The following TMPRSS9 variants were observed in gnomAD, a reference collection of about 807,000 sequenced individuals.
TMPRSS9 encodes the protein transmembrane protease serine 9.
In TMPRSS9, 113 loss-of-function variants were observed where a neutral mutation model predicts 111.4. That is an observed-to-expected ratio of 1.01 (90% CI 0.87 to 1.19). The LOEUF is 1.19. Ranked by LOEUF, TMPRSS9 falls within the 50% of genes most tolerant of loss-of-function variation. The pLI is 0.00. For synonymous variants in TMPRSS9, 805 were observed against 659.1 expected (o/e 1.22, Z -3.39); for missense variants, 1,803 against 1,513.1 (o/e 1.19, Z -3.18).
intron 8 of TMPRSS9, among the ~76,000 whole-genome samples, chr19:2,409,648 G>A (rs1292486382): frequency 6.6e-6 from 1 of 152,108 alleles, no homozygotes; most frequent in African/African-American, 2.4e-5. Flanking sequence ...CCTGGAGAGA[G>A]GAGATGAAGG....
At chr19:2,366,311 C>T (rs1281935741) in intron 1 of TMPRSS9, among the ~76,000 whole-genome samples, 1 of 152,082 alleles carries the variant, frequency 6.6e-6, no homozygotes, top group Non-Finnish European at 1.5e-5. Context: ...AGCATCAGTG[C>T]ACTCCAGCCT....
In TMPRSS9 at chr19:2,397,875, G is replaced by T. The variant is rs184614026; in HGVS notation, c.271-920G>T. Among the ~76,000 whole-genome samples the T allele has an allele frequency of 2.9e-5, 4 of 139,724 alleles. No homozygotes were observed. The East Asian group carries it at 8.5e-4, about 30-fold the overall frequency. 91.7% of individuals were successfully genotyped at this position (139,724 alleles called of 152,430 possible). A position where few individuals can be genotyped will look rare whatever the true frequency, so the allele number is the denominator to read the frequency against. On this transcript the variant is annotated intron_variant, in intron 2 of 17. Transcript: ENST00000648592. ...GCAGAAGTTGCAGTGAGCCAAGATC[G>T]TGCCATTGCACTCCAGCCTGGGTGA...
At chr19:2,395,281 G>T (rs1258745725) in intron 1 of TMPRSS9, among the ~76,000 whole-genome samples, 1 of 152,060 alleles carries the variant, frequency 6.6e-6, no homozygotes, top group Non-Finnish European at 1.5e-5. Context: ...CTAGCCAGGT[G>T]TGGTGGTCCA....
chr19:2,417,950 G>T, intron 12 of TMPRSS9, 52 bp from the exon 14 acceptor site: 1 of 1,607,342 alleles, frequency 6.2e-7, no homozygotes. Flanking sequence ...CGGAACTGGA[G>T]CTGCTCTGAT....
chr19:2,369,086 G>A (rs1053967930), intron 1 of TMPRSS9, among the ~76,000 whole-genome samples: 4 of 151,576 alleles, frequency 2.6e-5, no homozygotes, highest in African/African-American at 9.7e-5. Flanking sequence ...AGAGTAACTG[G>A]GATTACAGGC....
At chr19:2,404,395 A>G (rs1970924493) in intron 6 of TMPRSS9, among the ~76,000 whole-genome samples, 1 of 151,820 alleles carries the variant, frequency 6.6e-6, no homozygotes, top group Admixed American at 6.6e-5. Context: ...TTTAGAATAA[A>G]GGCTGGGTGC....
intron 12 of TMPRSS9, among the ~76,000 whole-genome samples, chr19:2,417,463 T>C (rs573063813): frequency 8.8e-6 from 1 of 114,028 alleles, no homozygotes; most frequent in Non-Finnish European, 1.8e-5. Context: ...GAGACTCCCA[T>C]CTCAAAAAAA....
chr19:2,397,072 C>T (rs988941655), intron 2 of TMPRSS9, among the ~76,000 whole-genome samples: 3 of 151,840 alleles, frequency 2.0e-5, no homozygotes, highest in Admixed American at 6.6e-5. Context: ...AGGTGCACGC[C>T]ACCACGTCCA....
At chr19:2,413,865 A>G in exon 10 of TMPRSS9, 1 of 1,613,658 alleles carries the variant, frequency 6.2e-7, no homozygotes, top group South Asian at 1.1e-5. Context: ...CAAAGCCAGC[A>G]TGCCTCTGGC....
chr19:2,411,595 G>A (rs542019005), intron 9 of TMPRSS9, among the ~76,000 whole-genome samples: 30 of 150,774 alleles, frequency 2.0e-4, no homozygotes, highest in Non-Finnish European at 3.1e-4. Context: ...ACACTGTCTC[G>A]CTCTGTCACC....
At chr19:2,405,596 C>G in intron 7 of TMPRSS9, 51 bp downstream of exon 8, 2 of 1,452,896 alleles carry the variant, frequency 1.4e-6, no homozygotes, top group Non-Finnish European at 1.8e-6. Flanking sequence ...ATTTCTCCTG[C>G]CTTCCCTCGT....
exon 11 of TMPRSS9, chr19:2,415,770 G>A (rs758016406): frequency 1.2e-6 from 2 of 1,610,502 alleles, no homozygotes; most frequent in South Asian, 2.2e-5. Flanking sequence ...TGAAGGAAGG[G>A]TCCCGGCACT....
exon 13 of TMPRSS9, chr19:2,418,101 G>A: frequency 6.2e-7 from 1 of 1,612,210 alleles, no homozygotes; most frequent in Non-Finnish European, 8.5e-7. Flanking sequence ...CGCATGATCT[G>A]CGCAGGCTTC....
intron 1 of TMPRSS9, among the ~76,000 whole-genome samples, chr19:2,391,081 A>C (rs1266828019): frequency 1.0e-4 from 15 of 148,900 alleles, no homozygotes; most frequent in Admixed American, 1.3e-4. Context: ...GGCAGGAAGG[A>C]AGGAAGATAG....
At chr19:2,421,702 TG>T in intron 13 of TMPRSS9, 151 bp from the exon 15 acceptor site, 3 of 690,252 alleles carry the variant, frequency 4.3e-6, no homozygotes, top group East Asian at 5.7e-5. Flanking sequence ...CAGCCAGGCA[TG>T]GGGCTGCAGT....
At chr19:2,425,334 C>T in intron 16 of TMPRSS9, 23 bp from the exon 18 acceptor site, 1 of 1,433,442 alleles carries the variant, frequency 7.0e-7, no homozygotes, top group Non-Finnish European at 9.1e-7. Context: ...CCCACCCGCC[C>T]CGTCTCGCTC....
chr19:2,383,990 G>C (rs774427072), intron 1 of TMPRSS9, among the ~76,000 whole-genome samples: 1 of 151,994 alleles, frequency 6.6e-6, no homozygotes, highest in Non-Finnish European at 1.5e-5. Flanking sequence ...AGCTCCATGC[G>C]GTGTTCTGTA....
At chr19:2,383,804 C>T (rs1970417487) in intron 1 of TMPRSS9, among the ~76,000 whole-genome samples, 1 of 150,716 alleles carries the variant, frequency 6.6e-6, no homozygotes, top group Non-Finnish European at 1.5e-5. Context: ...ACCCCCCCAT[C>T]TCAAAACAAT....
At chr19:2,405,405 C>T (rs1336244445) in exon 7 of TMPRSS9, 42 of 1,604,956 alleles carry the variant, frequency 2.6e-5, no homozygotes, top group East Asian at 2.1e-4. Context: ...GGAGGATGGC[C>T]GGCAGGATCG....
Sources: allele counts gnomAD v4.1 joint callset (sites outside exome capture counted in the v4.1 genomes callset), GRCh38; gene constraint gnomAD v4.1.1; transcripts MANE v1.5; gene names NCBI Gene and HGNC (gene_info 2026-07-23, HGNC 2026-07-21).